The following SSBP2 variants were observed in gnomAD, a reference collection of about 807,000 sequenced individuals.
The protein encoded by SSBP2 is single stranded DNA binding protein 2.
SSBP2 carries 17 observed loss-of-function variants against 61.8 expected under a neutral mutation model. The observed-to-expected ratio is 0.28, with a 90% CI of 0.19 to 0.41. The LOEUF (loss-of-function observed/expected upper bound fraction) is 0.41. Ranked by LOEUF, SSBP2 falls within the 10% of genes least tolerant of loss-of-function variation. The pLI is 1.00. For missense variants in SSBP2, 310 were observed against 458.7 expected, an observed-to-expected ratio of 0.68 and a Z score of 2.96; for synonymous variants, 139 against 141.3, an observed-to-expected ratio of 0.98 and a Z score of 0.12.
At chr5:81,648,265 T>C (rs1749441355) in intron 2 of SSBP2, among the ~76,000 whole-genome samples, 1 of 152,116 alleles carries the variant, frequency 6.6e-6, no homozygotes, top group Admixed American at 6.6e-5. Flanking sequence ...TTGCCCTAAG[T>C]CTTCTAACTA....
intron 1 of SSBP2, among the ~76,000 whole-genome samples, chr5:81,708,477 C>T (rs1463970311): frequency 7.9e-5 from 12 of 152,032 alleles, no homozygotes; most frequent in Non-Finnish European, 2.9e-5. Context: ...TCCTTATTAA[C>T]TCTTTGCTGA....
chr5:81,691,272 A>G (rs1232373796), intron 1 of SSBP2, among the ~76,000 whole-genome samples: 1 of 152,070 alleles, frequency 6.6e-6, no homozygotes, highest in Non-Finnish European at 1.5e-5. Flanking sequence ...ATCAATGAAA[A>G]AGTTGTTTTT....
intron 1 of SSBP2, among the ~76,000 whole-genome samples, chr5:81,701,172 T>C (rs567823750): frequency 6.6e-6 from 1 of 152,274 alleles, no homozygotes; most frequent in African/African-American, 2.4e-5. Flanking sequence ...CCATTGTAGG[T>C]TATTAATTGG....
At chr5:81,478,511 T>C (rs1234616991) in intron 6 of SSBP2, among the ~76,000 whole-genome samples, 3 of 152,052 alleles carry the variant, frequency 2.0e-5, no homozygotes, top group Non-Finnish European at 4.4e-5. Flanking sequence ...CAGCTAATTT[T>C]TGTATTTTTA....
chr5:81,657,683 T>C (rs1194903385), intron 1 of SSBP2, among the ~76,000 whole-genome samples: 2 of 152,172 alleles, frequency 1.3e-5, no homozygotes, highest in African/African-American at 2.4e-5. Flanking sequence ...TCAACAATCA[T>C]AATGGTAGCT....
At chr5:81,431,393 CACTT>C (rs1762277135) in intron 15 of SSBP2, among the ~76,000 whole-genome samples, 1 of 152,034 alleles carries the variant, frequency 6.6e-6, no homozygotes, top group African/African-American at 2.4e-5. Context: ...ATTACATTCT[CACTT>C]ATCATTTCTT....
intron 7 of SSBP2, among the ~76,000 whole-genome samples, chr5:81,473,981 T>G (rs908970163): frequency 2.6e-5 from 4 of 152,190 alleles, no homozygotes; most frequent in African/African-American, 9.6e-5. Flanking sequence ...TTCTCCCTAT[T>G]CTGTGGTGAA....
intron 1 of SSBP2, among the ~76,000 whole-genome samples, chr5:81,693,337 A>C (rs1408702151): frequency 6.6e-6 from 1 of 152,178 alleles, no homozygotes; most frequent in Non-Finnish European, 1.5e-5. Context: ...AATTACATCA[A>C]GTTAAAAAGC....
intron 1 of SSBP2, among the ~76,000 whole-genome samples, chr5:81,723,160 C>A (rs545645295): frequency 8.4e-4 from 128 of 152,078 alleles, no homozygotes; most frequent in Admixed American, 1.4e-3. Context: ...CGTTGAATAA[C>A]AGAAGTTTCT....
chr5:81,608,625 T>C (rs925593108), intron 4 of SSBP2, among the ~76,000 whole-genome samples: 2 of 152,198 alleles, frequency 1.3e-5, no homozygotes, highest in African/African-American at 4.8e-5. Context: ...AGATTTCTTA[T>C]CTATTCAAAT....
chr5:81,538,412 G>A (rs1005719756), intron 4 of SSBP2, among the ~76,000 whole-genome samples: 2 of 152,092 alleles, frequency 1.3e-5, no homozygotes, highest in African/African-American at 4.8e-5. Context: ...GAACAAAACG[G>A]TGCACAGTGA....
intron 2 of SSBP2, among the ~76,000 whole-genome samples, chr5:81,647,608 C>T (rs1470695859): frequency 6.6e-6 from 1 of 151,894 alleles, no homozygotes; most frequent in African/African-American, 2.4e-5. Flanking sequence ...CACTTATCTC[C>T]AAAGTCTAGA....
intron 1 of SSBP2, among the ~76,000 whole-genome samples, chr5:81,675,817 T>G (rs575894533): frequency 2.6e-5 from 4 of 152,120 alleles, no homozygotes; most frequent in Non-Finnish European, 4.4e-5. Flanking sequence ...ACTCCCTACT[T>G]GTTCTCCCCC....
At chr5:81,474,623 T>C in intron 6 of SSBP2, 61 bp from the exon 7 acceptor site, 2 of 1,269,284 alleles carry the variant, frequency 1.6e-6, no homozygotes, top group South Asian at 1.4e-5. Flanking sequence ...ATAAGTTTTT[T>C]AACAATTTCC....
intron 12 of SSBP2, among the ~76,000 whole-genome samples, chr5:81,444,152 G>C (rs990877497): frequency 2.6e-5 from 4 of 152,040 alleles, no homozygotes; most frequent in Admixed American, 2.6e-4. Context: ...GAAAAAGTTG[G>C]AGTGCCTACC....
chr5:81,706,902 G>A (rs546248884), intron 1 of SSBP2, among the ~76,000 whole-genome samples: 5 of 152,252 alleles, frequency 3.3e-5, no homozygotes, highest in Non-Finnish European at 7.4e-5. Context: ...TGGAGCATGA[G>A]GTGACACACA....
intron 3 of SSBP2, among the ~76,000 whole-genome samples, chr5:81,627,449 T>C (rs1410745725): frequency 6.6e-6 from 1 of 152,212 alleles, no homozygotes; most frequent in Admixed American, 6.5e-5. Context: ...ACATACCAGA[T>C]GAGTAAAAAC....
chr5:81,623,723 A>G (rs1034584413), intron 3 of SSBP2, among the ~76,000 whole-genome samples: 3 of 151,554 alleles, frequency 2.0e-5, no homozygotes, highest in African/African-American at 7.3e-5. Flanking sequence ...CCTAAGAGTT[A>G]TTAAATAAAC....
At chr5:81,540,263 T>C (rs994259178) in intron 4 of SSBP2, among the ~76,000 whole-genome samples, 2 of 152,210 alleles carry the variant, frequency 1.3e-5, no homozygotes, top group Non-Finnish European at 2.9e-5. Context: ...TAGCCAGTAA[T>C]GGGATCGCTG....
Sources: allele counts gnomAD v4.1 joint callset (sites outside exome capture counted in the v4.1 genomes callset), GRCh38; gene constraint gnomAD v4.1.1; transcripts MANE v1.5; gene names NCBI Gene and HGNC (gene_info 2026-07-23, HGNC 2026-07-21).